Variants in CBLN2 observed in about 807,000 individuals in gnomAD.
CBLN2 encodes cerebellin-2.
CBLN2 carries 7 observed loss-of-function variants against 15.0 expected under a neutral mutation model. The ratio of observed to expected loss-of-function variants is 0.47; its 90% CI spans 0.27 to 0.88. The LOEUF is 0.88. Among genes scored for constraint, CBLN2 ranks in the 40% least tolerant of loss-of-function variants. The pLI, the probability that CBLN2 is intolerant of heterozygous loss-of-function variation, is 0.14. For synonymous variants in CBLN2, 149 were observed against 135.2 expected (o/e 1.10, Z -0.71); for missense variants, 242 against 304.5 (o/e 0.79, Z 1.53).
chr18:72,618,259 C>G, intron 1 of CBLN2: 1 of 314,018 alleles, frequency 3.2e-6, no homozygotes. Context: ...TCTCTTTCCC[C>G]TGCTGTCATG....
At chr18:72,562,463 G>A (rs72634437) in intron 1 of CBLN2, among the ~76,000 whole-genome samples, 1 of 151,998 alleles carries the variant, frequency 6.6e-6, no homozygotes, top group African/African-American at 2.4e-5. Context: ...GGTAAGATAT[G>A]GTCCAAATGA....
chr18:72,601,722 AT>A (rs2069549441), intron 1 of CBLN2, among the ~76,000 whole-genome samples: 1 of 151,930 alleles, frequency 6.6e-6, no homozygotes, highest in Non-Finnish European at 1.5e-5. Context: ...TCCCCACCCC[AT>A]TTTGCAACAA....
At chr18:72,573,717 A>T (rs1163762182) in intron 1 of CBLN2, among the ~76,000 whole-genome samples, 6 of 152,158 alleles carry the variant, frequency 3.9e-5, no homozygotes, top group Non-Finnish European at 8.8e-5. Context: ...GGTTACCTTC[A>T]AGTTTTGGAA....
chr18:72,632,583 T>C (rs1377222160), intron 1 of CBLN2, among the ~76,000 whole-genome samples: 1 of 152,188 alleles, frequency 6.6e-6, no homozygotes, highest in East Asian at 1.9e-4. Context: ...ATGACTGTCT[T>C]CTTAGGACTC....
intron 1 of CBLN2, among the ~76,000 whole-genome samples, chr18:72,601,356 G>A (rs2069546641): frequency 6.6e-6 from 1 of 152,158 alleles, no homozygotes; most frequent in Non-Finnish European, 1.5e-5. Flanking sequence ...GACTATTTGT[G>A]TAAGAATGTA....
intron 1 of CBLN2, among the ~76,000 whole-genome samples, chr18:72,550,554 G>A (rs536635794): frequency 6.6e-6 from 1 of 152,286 alleles, no homozygotes; most frequent in East Asian, 1.9e-4. Context: ...ACTTTCATTA[G>A]TGAAATGATA....
intron 1 of CBLN2, among the ~76,000 whole-genome samples, chr18:72,560,046 G>C (rs2069250295): frequency 6.6e-6 from 1 of 152,120 alleles, no homozygotes; most frequent in African/African-American, 2.4e-5. Flanking sequence ...ATCAAACAGG[G>C]AACAGGCAGA....
chr18:72,637,227 G>A (rs1054072751), intron 1 of CBLN2, among the ~76,000 whole-genome samples: 1 of 151,856 alleles, frequency 6.6e-6, no homozygotes, highest in Non-Finnish European at 1.5e-5. Flanking sequence ...CATTTTTGAT[G>A]AGTTTAAATA....
chr18:72,541,880 G>A lies in CBLN2; in HGVS notation c.281C>T (p.Ala94Val). 6.2e-7 allele frequency: 1 copy of A among 1,606,476 alleles called. No homozygotes were observed. The highest frequency in any genetic ancestry group is 8.5e-7 in the Non-Finnish European group (1 of 1,178,270). Residue 94 changes from alanine (A) to valine (V), a missense_variant, in exon 3 of 5, where the codon GCC becomes GTC. This residue lies in a region of CBLN2 where 89 missense variants were observed against 114.2 expected (regional missense o/e 0.78). Transcript: ENST00000269503. ...ISVRSGSAKV[A>V]FSATRSTNHE... is the part of the protein sequence containing the mutation. Reference sequence around the variant, plus strand: ...GTTGGTGCTCCGCGTGGCGGAGAAGGCCACCTTGGCGCTGCCGGAGCGCAC... The same window carrying A: ...GTTGGTGCTCCGCGTGGCGGAGAAGACCACCTTGGCGCTGCCGGAGCGCAC...
chr18:72,588,242 C>T (rs571588836), intron 1 of CBLN2, among the ~76,000 whole-genome samples: 2 of 152,298 alleles, frequency 1.3e-5, no homozygotes, highest in East Asian at 1.9e-4. Flanking sequence ...CAGCAACAAT[C>T]CCCACTCCAA....
chr18:72,565,964 A>G (rs1179406497), intron 1 of CBLN2, among the ~76,000 whole-genome samples: 1 of 152,218 alleles, frequency 6.6e-6, no homozygotes, highest in East Asian at 1.9e-4. Flanking sequence ...AAATAATTCA[A>G]TAGTAGGAAA....
chr18:72,622,867 T>C (rs2069710416), intron 1 of CBLN2, among the ~76,000 whole-genome samples: 1 of 152,186 alleles, frequency 6.6e-6, no homozygotes, highest in Non-Finnish European at 1.5e-5. Context: ...GTTCTACTTC[T>C]CTGTAAATTA....
intron 1 of CBLN2, among the ~76,000 whole-genome samples, chr18:72,637,655 C>T (rs1173043958): frequency 1.3e-5 from 2 of 152,190 alleles, no homozygotes; most frequent in Non-Finnish European, 2.9e-5. Flanking sequence ...TAAGTAAAGA[C>T]TTCATTCAGT....
chr18:72,617,688 T>C (rs2069671352), intron 1 of CBLN2, among the ~76,000 whole-genome samples: 1 of 152,192 alleles, frequency 6.6e-6, no homozygotes, highest in South Asian at 2.1e-4. Context: ...AGTTGTACCA[T>C]ATAGGATGCT....
intron 1 of CBLN2, among the ~76,000 whole-genome samples, chr18:72,558,898 A>G (rs567522602): frequency 2.6e-5 from 4 of 152,122 alleles, no homozygotes; most frequent in Non-Finnish European, 5.9e-5. Context: ...TACTAAAAAT[A>G]CAAAACATTA....
intron 1 of CBLN2, among the ~76,000 whole-genome samples, chr18:72,577,674 G>T (rs2069376828): frequency 6.6e-6 from 1 of 152,216 alleles, no homozygotes; most frequent in Admixed American, 6.5e-5. Context: ...GTACGCTCTG[G>T]CCTGGTGCTA....
intron 1 of CBLN2, among the ~76,000 whole-genome samples, chr18:72,591,520 C>T (rs8091545): frequency 0.96 from 146,675 of 152,234 alleles, 70,837 homozygotes; most frequent in Non-Finnish European, 1. Flanking sequence ...TTAAACTCTT[C>T]CATTATTTTG....
chr18:72,557,594 G>A (rs944970298), intron 1 of CBLN2, among the ~76,000 whole-genome samples: 4 of 152,148 alleles, frequency 2.6e-5, no homozygotes, highest in South Asian at 2.1e-4. Context: ...ATGAGATCAC[G>A]TCCTTTGAAA....
intron 1 of CBLN2, among the ~76,000 whole-genome samples, chr18:72,581,506 C>T (rs571779053): frequency 6.6e-6 from 1 of 152,268 alleles, no homozygotes; most frequent in East Asian, 1.9e-4. Context: ...TGTATACTGA[C>T]CATTTAAATC....
Sources: gnomAD v4.1 joint callset for allele counts (sites outside exome capture counted in the v4.1 genomes callset) on GRCh38, gnomAD v4.1.1 for gene constraint, gnomAD v4.1.1 regional missense constraint, MANE v1.5 for transcripts, NCBI Gene and HGNC (gene_info 2026-07-23, HGNC 2026-07-21) for gene names.